PDE6A: variants seen among roughly 807,000 people sequenced by gnomAD.
PDE6A encodes the protein rod cGMP-specific 3',5'-cyclic phosphodiesterase subunit alpha.
Under a neutral mutation model 106.3 loss-of-function variants are expected in PDE6A, and 84 were observed. The observed-to-expected ratio is 0.79, with a 90% CI of 0.66 to 0.95. The LOEUF is 0.95. Among genes scored for constraint, PDE6A ranks in the 40% least tolerant of loss-of-function variants. PDE6A has a pLI of 0.00. For missense variants in PDE6A, 1,052 were observed against 1,084.9 expected (o/e 0.97, Z 0.43); for synonymous variants, 394 against 386.6 (o/e 1.02, Z -0.23).
intron 17 of PDE6A, among the ~76,000 whole-genome samples, chr5:149,876,322 A>G (rs1760736785): frequency 1.3e-5 from 2 of 149,248 alleles, no homozygotes; most frequent in South Asian, 4.3e-4. Flanking sequence ...AGTCGGATTC[A>G]GCACCTATTT....
chr5:149,902,666 C>CA (rs1422016102), intron 8 of PDE6A, among the ~76,000 whole-genome samples: 4 of 151,936 alleles, frequency 2.6e-5, no homozygotes, highest in African/African-American at 2.4e-5. Flanking sequence ...ACTAAAAATA[C>CA]AAAAAATTAG....
In PDE6A at chr5:149,863,063, C is replaced by T; in HGVS notation, c.2506+56G>A. 6.2e-7 allele frequency: 1 copy of T among 1,606,102 alleles called. No individual in the cohort carries two copies. The highest frequency in any genetic ancestry group is 1.1e-5 in the South Asian group (1 of 90,916). On this transcript the variant is annotated intron_variant, in intron 21 of 21. Transcript: ENST00000255266. The surrounding 1 kb of genome is among the most constrained non-coding windows in gnomAD (Gnocchi z 4.7). ...AAGAGTCTCTGAGGCAGGACGCAGA[C>T]ACTGAGTGCTCAGGGAGTGGGGTGG...
intron 1 of PDE6A, among the ~76,000 whole-genome samples, chr5:149,936,799 G>C (rs1011363912): frequency 1.3e-5 from 2 of 152,160 alleles, no homozygotes; most frequent in African/African-American, 4.8e-5. Context: ...GATTACTTTT[G>C]CACCAACTTA....
chr5:149,861,454 A>G (rs1037899146), intron 21 of PDE6A, among the ~76,000 whole-genome samples: 2 of 152,220 alleles, frequency 1.3e-5, no homozygotes, highest in Non-Finnish European at 2.9e-5. Flanking sequence ...TTGGAGGCCA[A>G]CCTGGGCAAC....
At chr5:149,895,361 A>C in intron 12 of PDE6A, 71 bp from the exon 13 acceptor site, 1 of 1,046,222 alleles carries the variant, frequency 9.6e-7, no homozygotes, top group South Asian at 1.3e-5. Flanking sequence ...AATAACAAAA[A>C]TATGAAGAAG....
intron 4 of PDE6A, among the ~76,000 whole-genome samples, chr5:149,927,919 A>T (rs927187268): frequency 6.6e-6 from 1 of 151,592 alleles, no homozygotes; most frequent in African/African-American, 2.4e-5. Flanking sequence ...CAGGATCATC[A>T]ATATCCCCAT....
rs533737981 is a variant in PDE6A, at chr5:149,863,143, GCTT to G, written c.2479_2481del (p.Lys827del). The G allele has an allele frequency of 4.7e-4, 759 of 1,614,200 alleles. 1 individual carries two copies. In the African/African-American group the frequency reaches 8.9e-3, roughly 19 times the overall value. On this transcript the variant is annotated inframe_deletion, in exon 21 of 22. Coordinates refer to ENST00000255266, the MANE Select transcript of PDE6A (RefSeq NM_000440.3). This position sits in a 1 kb window ranked among gnomAD's most constrained non-coding sequence, Gnocchi z 4.7. ...CCTGACTTGGCCGACTGCTGTTTCT[GCTT>G]CTTCTCCTCCTGCACCTTCATCTTG...
At chr5:149,932,795 G>T in intron 3 of PDE6A, 1 of 793,718 alleles carries the variant, frequency 1.3e-6, no homozygotes, top group Non-Finnish European at 2.0e-6. Flanking sequence ...ATGTGCATGT[G>T]CTGGATTGAG....
At chr5:149,868,617 TCTACTGTA>T (rs1372755751) in intron 17 of PDE6A, among the ~76,000 whole-genome samples, 1 of 152,218 alleles carries the variant, frequency 6.6e-6, no homozygotes, top group African/African-American at 2.4e-5. Context: ...TTTGCTCTTT[TCTACTGTA>T]GAGAAGTGTT....
chr5:149,875,985 T>A (rs1216752537), intron 17 of PDE6A, among the ~76,000 whole-genome samples: 1 of 152,242 alleles, frequency 6.6e-6, no homozygotes, highest in Non-Finnish European at 1.5e-5. Context: ...TATGTGTTTC[T>A]GTATATATAT....
rs1754415626 is a variant in PDE6A at position 149,944,563 on chromosome 5, A to T, written c.111T>A (p.Leu37=). ...HYRAKLISDL[L]GAKEAAVDFS... ...AGTCCACGGCAGCCTCCTTGGCCCC[A>T]AGGAGGTCGGAGATGAGCTTGGCCC... Residue 37 remains leucine (L), a synonymous_variant, in exon 1 of 22, where the codon CTT becomes CTA. Coordinates refer to ENST00000255266, the MANE Select transcript of PDE6A (RefSeq NM_000440.3). 6.2e-7 allele frequency: 1 copy of T among 1,613,878 alleles called. No homozygotes were observed. The highest frequency in any genetic ancestry group is 1.3e-5 in the African/African-American group (1 of 74,868).
intron 17 of PDE6A, among the ~76,000 whole-genome samples, chr5:149,881,243 T>G (rs1223426901): frequency 2.0e-5 from 3 of 152,198 alleles, no homozygotes; most frequent in African/African-American, 4.8e-5. Flanking sequence ...ATCTCATTAC[T>G]GGGTGTGTAT....
At chr5:149,900,205 T>A (rs532065030) in intron 8 of PDE6A, among the ~76,000 whole-genome samples, 26 of 151,262 alleles carry the variant, frequency 1.7e-4, no homozygotes, top group African/African-American at 4.8e-4. Flanking sequence ...AATACAAAAA[T>A]TAGCCAATTA....
Position 149,866,246 on chromosome 5 carries a change from A to G in PDE6A, c.2282T>C (p.Met761Thr). Residue 761 changes from methionine (M) to threonine (T), a missense_variant, in exon 20 of 22, where the codon ATG becomes ACG. By Grantham distance (81) the Met-to-Thr change is moderately conservative. Transcript: ENST00000255266. ...TVLQQNPIPM[M>T]DRNKADELPK... ...GAGTTCATCTGCTTTGTTTCTGTCC[A>G]TCATGGGCTGTCATGGGGGAGAAAG... 6.2e-7 allele frequency: 1 copy of G among 1,613,554 alleles called. No homozygotes were observed. Among genetic ancestry groups the G allele is most frequent in the African/African-American group, 1.3e-5 (1 of 75,040 alleles).
rs184974115 is a variant in PDE6A, at chr5:149,918,657, G to A, written c.933+2978C>T. On this transcript the variant is annotated intron_variant, in intron 5 of 21. Coordinates refer to ENST00000255266, the MANE Select transcript of PDE6A (RefSeq NM_000440.3). ...GCCAGGATCTCATTCTGTCACCCAG[G>A]CTGGAGTGCAGTGGCACAATCTTGG... Among the ~76,000 whole-genome samples the A allele has an allele frequency of 9.2e-5, 14 of 152,164 alleles. 1 individual carries two copies. Among genetic ancestry groups the A allele is most frequent in the African/African-American group, 3.1e-4 (13 of 41,520 alleles).
Position 149,934,039 on chromosome 5 carries a change from A to G in PDE6A, c.628-20T>C, listed in dbSNP as rs779529753. The G allele has an allele frequency of 2.2e-6, 3 of 1,355,202 alleles. No homozygotes were observed. The highest frequency in any genetic ancestry group is 1.1e-6 in the Non-Finnish European group (1 of 945,766). The allele number at this position is 1,355,202 out of a possible 1,614,324, so 83.9% of individuals were successfully genotyped here. ...AAGAATCTAAAAATCAAACAGCATG[A>G]GGGGAGGCAGGTGAGAAGAAGAAAT... On this transcript the variant is annotated intron_variant, in intron 2 of 21. Transcript: ENST00000255266.
intron 8 of PDE6A, among the ~76,000 whole-genome samples, chr5:149,901,253 G>T (rs1752966841): frequency 1.3e-5 from 2 of 152,142 alleles, no homozygotes; most frequent in African/African-American, 2.4e-5. Context: ...CAGGGGCTGG[G>T]CGCAGTGGCT....
intron 17 of PDE6A, among the ~76,000 whole-genome samples, chr5:149,879,654 C>T (rs2113539370): frequency 6.9e-6 from 1 of 145,404 alleles, no homozygotes; most frequent in African/African-American, 2.6e-5. Flanking sequence ...CAATTCCCAC[C>T]TATGAGTGAG....
intron 16 of PDE6A, among the ~76,000 whole-genome samples, chr5:149,883,811 G>A (rs1251350090): frequency 6.6e-6 from 1 of 152,164 alleles, no homozygotes; most frequent in African/African-American, 2.4e-5. Flanking sequence ...CTTGTAGCAA[G>A]AATCAATGTG....
Sources: gnomAD v4.1 joint callset for allele counts (sites outside exome capture counted in the v4.1 genomes callset) on GRCh38, gnomAD v4.1.1 for gene constraint, Gnocchi (gnomAD v3.1) non-coding constraint, MANE v1.5 for transcripts, NCBI Gene and HGNC (gene_info 2026-07-23, HGNC 2026-07-21) for gene names.